The following HIBCH variants were observed in gnomAD, a reference collection of about 807,000 sequenced individuals.
HIBCH encodes the protein 3-hydroxyisobutyryl-CoA hydrolase, mitochondrial.
A neutral mutation model predicts 58.2 loss-of-function variants in HIBCH; 50 were observed. That is an observed-to-expected ratio of 0.86 (90% confidence interval 0.68 to 1.09). HIBCH has a LOEUF of 1.09. Among genes scored for constraint, HIBCH ranks in the 50% least tolerant of loss-of-function variants. The probability of loss-of-function intolerance (pLI) is 0.00; values close to 1 mark genes in which losing one functional copy is unlikely to be tolerated. For synonymous variants in HIBCH, 151 were observed against 146.9 expected (o/e 1.03, Z -0.20); for missense variants, 450 against 449.7 (o/e 1.00, Z -0.01).
chr2:190,268,789 A>G (rs291425), intron 6 of HIBCH, among the ~76,000 whole-genome samples: 109,551 of 152,106 alleles, frequency 0.72, 39,988 homozygotes, highest in Non-Finnish European at 0.75. Flanking sequence ...CATAGGCAGC[A>G]TGCCCAGAGT....
intron 1 of HIBCH, among the ~76,000 whole-genome samples, chr2:190,198,719 A>AGAAT (rs71401240): frequency 1.3e-5 from 2 of 151,256 alleles, no homozygotes; most frequent in Admixed American, 6.6e-5. Flanking sequence ...AAACTAAGAT[A>AGAAT]CAATCAGGGA....
chr2:190,299,637 T>A (rs1411993843), intron 2 of HIBCH, among the ~76,000 whole-genome samples: 1 of 152,212 alleles, frequency 6.6e-6, no homozygotes, highest in Admixed American at 6.5e-5. Context: ...GCTTTTATTT[T>A]TCTAAATGCT....
intron 2 of HIBCH, among the ~76,000 whole-genome samples, chr2:190,300,596 A>T (rs998186518): frequency 5.3e-5 from 8 of 151,962 alleles, no homozygotes; most frequent in Admixed American, 4.6e-4. Context: ...ATGTTCTCCC[A>T]TTCTGTAGGT....
At chr2:190,219,423 G>A (rs992322317) in intron 11 of HIBCH, among the ~76,000 whole-genome samples, 2 of 152,174 alleles carry the variant, frequency 1.3e-5, no homozygotes, top group African/African-American at 4.8e-5. Context: ...GATAGCTGAT[G>A]CCGCTTGTTG....
chr2:190,262,872 A>G (rs1687130860), intron 6 of HIBCH, among the ~76,000 whole-genome samples: 1 of 152,244 alleles, frequency 6.6e-6, no homozygotes, highest in Non-Finnish European at 1.5e-5. Flanking sequence ...AAAAACTATC[A>G]GAATAAGAGA....
rs142661213 is a variant in HIBCH, at chr2:190,258,743, C to T, written c.517+2413G>A. 6.5e-3 allele frequency among the ~76,000 whole-genome samples: 987 copies of T among 152,288 alleles called. 9 individuals carry two copies. Among genetic ancestry groups the T allele is most frequent in the African/African-American group, 0.023 (938 of 41,560 alleles). ...CATATGTTTTCTTCTAGTGGTTTTGCAGTTTCAGGTTGTATGACTACATCT... is the reference window on the plus strand; with the variant it reads ...CATATGTTTTCTTCTAGTGGTTTTGTAGTTTCAGGTTGTATGACTACATCT... On this transcript the variant is annotated intron_variant, in intron 7 of 13. Transcript: ENST00000359678.
chr2:190,257,822 G>T (rs533193287), intron 7 of HIBCH, among the ~76,000 whole-genome samples: 1 of 152,202 alleles, frequency 6.6e-6, no homozygotes, highest in South Asian at 2.1e-4. Context: ...CCTGTATCGG[G>T]AACTAACCTG....
intron 2 of HIBCH, among the ~76,000 whole-genome samples, chr2:190,301,115 A>T (rs1052535684): frequency 2.0e-5 from 3 of 152,226 alleles, no homozygotes; most frequent in African/African-American, 7.2e-5. Flanking sequence ...TCTCTTGCTG[A>T]ACTTTCCTCC....
chr2:190,296,353 G>C (rs899632182), intron 3 of HIBCH, among the ~76,000 whole-genome samples: 2 of 151,178 alleles, frequency 1.3e-5, no homozygotes, highest in African/African-American at 4.9e-5. Context: ...CCGGGAGGTG[G>C]AGCTTGCAGT....
At chr2:190,251,336 C>CA (rs1302599162) in intron 8 of HIBCH, among the ~76,000 whole-genome samples, 1 of 152,104 alleles carries the variant, frequency 6.6e-6, no homozygotes, top group Non-Finnish European at 1.5e-5. Context: ...GATTGAAGGA[C>CA]AGAGTGTGCA....
intron 5 of HIBCH, among the ~76,000 whole-genome samples, chr2:190,289,331 C>T (rs971243749): frequency 6.6e-6 from 1 of 151,830 alleles, no homozygotes; most frequent in Non-Finnish European, 1.5e-5. Flanking sequence ...GTCTAAAAGG[C>T]ACATGACAAA....
Position 190,216,600 on chromosome 2 carries a change from C to T in HIBCH, c.892-3525G>A, listed in dbSNP as rs982065826. 1.3e-5 allele frequency among the ~76,000 whole-genome samples: 2 copies of T among 152,164 alleles called. No homozygotes were observed. Among genetic ancestry groups the T allele is most frequent in the African/African-American group, 4.8e-5 (2 of 41,420 alleles). On this transcript the variant is annotated intron_variant, in intron 11 of 13. Coordinates refer to ENST00000359678, the MANE Select transcript of HIBCH (RefSeq NM_014362.4). The surrounding 1 kb of genome is among the most constrained non-coding windows in gnomAD (Gnocchi z 4.2). The stretch of plus-strand genomic sequence containing the variant: ...TGTTAAAGGGGCCACAGCTGCTCAG[C>T]TGTGATGCCAAACTGTCTGCTTTGT...
chr2:190,212,141 T>C (rs1363086256), intron 12 of HIBCH, among the ~76,000 whole-genome samples: 1 of 152,224 alleles, frequency 6.6e-6, no homozygotes, highest in Non-Finnish European at 1.5e-5. Flanking sequence ...CAAATGCATA[T>C]AAAGTGCCTA....
chr2:190,296,175 C>CT (rs1436880902), intron 3 of HIBCH, among the ~76,000 whole-genome samples: 1 of 152,094 alleles, frequency 6.6e-6, no homozygotes, highest in Non-Finnish European at 1.5e-5. Flanking sequence ...AATCCCAGCA[C>CT]TTTGGGAGGC....
At position 190,310,755 on chromosome 2, in the gene HIBCH, A is replaced by C. The variant is rs1390284180; in HGVS notation, c.77T>G (p.Leu26Trp). Residue 26 changes from leucine (L) to tryptophan (W), a missense_variant and splice_region_variant, in exon 2 of 14, where the codon TTG (leucine) becomes TGG (tryptophan). Transcript: ENST00000359678. ...AGCAAAACAAACACAATAACTTACC[A>C]AATGGTGCAGTATGGTATTAGTCCT... ...FKRTNTILHH[L>W]RMSKHTDAAE... The C allele has an allele frequency of 1.2e-6, 2 of 1,606,994 alleles. No individual in the cohort carries two copies. Among genetic ancestry groups the C allele is most frequent in the Non-Finnish European group, 8.5e-7 (1 of 1,173,654 alleles).
In HIBCH at chr2:190,252,256, T is replaced by C. The variant is rs754892711; in HGVS notation, c.569A>G (p.Lys190Arg). The C allele has an allele frequency of 6.2e-7, 1 of 1,613,158 alleles. No individual in the cohort carries two copies. The highest frequency in any genetic ancestry group is 8.5e-7 in the Non-Finnish European group (1 of 1,179,166). ...GGYFLPRLQG[K>R]LGYFLALTGF... The stretch of plus-strand genomic sequence containing the variant: ...TGTTAATGCAAGGAAGTAACCAAGT[T>C]TTCCTTGGAGTCGTGGCAAGAAATA... The change falls in exon 8 of 14, where the codon AAA becomes AGA. Residue 190 changes from lysine (K) to arginine (R), a missense_variant. Coordinates refer to ENST00000359678, the MANE Select transcript of HIBCH (RefSeq NM_014362.4).
chr2:190,264,333 A>T (rs1313033882), intron 6 of HIBCH, among the ~76,000 whole-genome samples: 1 of 151,798 alleles, frequency 6.6e-6, no homozygotes, highest in East Asian at 1.9e-4. Flanking sequence ...AAAGGTACAC[A>T]AACAGTAACA....
At chr2:190,221,539 G>T (rs575620690) in intron 11 of HIBCH, among the ~76,000 whole-genome samples, 2 of 152,290 alleles carry the variant, frequency 1.3e-5, no homozygotes, top group East Asian at 3.9e-4. Flanking sequence ...ATACTGATAG[G>T]GACAGGAGGC....
intron 6 of HIBCH, among the ~76,000 whole-genome samples, chr2:190,261,539 G>A (rs975679068): frequency 1.3e-5 from 2 of 151,480 alleles, no homozygotes; most frequent in Admixed American, 6.6e-5. Flanking sequence ...AGTAACCTAC[G>A]ATTTTTTTCC....
Sources: allele counts gnomAD v4.1 joint callset (sites outside exome capture counted in the v4.1 genomes callset), GRCh38; gene constraint gnomAD v4.1.1; non-coding constraint Gnocchi (gnomAD v3.1); transcripts MANE v1.5; gene names NCBI Gene and HGNC (gene_info 2026-07-23, HGNC 2026-07-21).